The following CYTH1 variants were observed in gnomAD, a reference collection of about 807,000 sequenced individuals.
CYTH1 encodes the protein cytohesin-1.
Under a neutral mutation model 61.8 loss-of-function variants are expected in CYTH1, and 18 were observed. That is an observed-to-expected ratio of 0.29 (90% CI 0.20 to 0.43). CYTH1 has a LOEUF of 0.43. CYTH1 is among the 20% of genes least tolerant of loss of function. The pLI, the probability that CYTH1 is intolerant of heterozygous loss-of-function variation, is 1.00. For missense variants in CYTH1, 336 were observed against 510.5 expected (o/e 0.66, Z 3.29); for synonymous variants, 174 against 184.3 (o/e 0.94, Z 0.45).
intron 1 of CYTH1, among the ~76,000 whole-genome samples, chr17:78,774,396 T>C (rs2093483181): frequency 6.6e-6 from 1 of 152,196 alleles, no homozygotes; most frequent in Non-Finnish European, 1.5e-5. Context: ...AAGTCATCCA[T>C]ATCATAGAAA....
chr17:78,703,653 T>C (rs977652554), intron 3 of CYTH1, among the ~76,000 whole-genome samples: 7 of 152,194 alleles, frequency 4.6e-5, no homozygotes, highest in African/African-American at 1.7e-4. Flanking sequence ...GATTTGCCTA[T>C]TCTGGACATA....
chr17:78,707,917 G>A (rs2093085956), intron 3 of CYTH1, among the ~76,000 whole-genome samples: 1 of 152,074 alleles, frequency 6.6e-6, no homozygotes, highest in South Asian at 2.1e-4. Context: ...TTGACCTCGT[G>A]ATCCACCTGC....
intron 9 of CYTH1, among the ~76,000 whole-genome samples, chr17:78,697,325 C>CAAAAA (rs5822262): frequency 8.4e-5 from 8 of 95,300 alleles, no homozygotes; most frequent in African/African-American, 2.6e-4. Flanking sequence ...TGCTAGTGTC[C>CAAAAA]AAAAAAAAAA....
At chr17:78,766,135 A>C (rs2093447900) in intron 1 of CYTH1, among the ~76,000 whole-genome samples, 2 of 151,092 alleles carry the variant, frequency 1.3e-5, no homozygotes, top group Non-Finnish European at 2.9e-5. Context: ...AGCAGGAGAC[A>C]AAGCTTCCAA....
At chr17:78,713,971 T>A (rs1414454370) in intron 1 of CYTH1, among the ~76,000 whole-genome samples, 1 of 152,208 alleles carries the variant, frequency 6.6e-6, no homozygotes, top group Non-Finnish European at 1.5e-5. Flanking sequence ...TAGTCCTCTA[T>A]CTTCCAAGAT....
chr17:78,701,729 GA>G lies in CYTH1; in HGVS notation c.378del (p.Leu127PhefsTer38). 1 of 1,614,186 alleles carries G rather than the reference GA, an allele frequency of 6.2e-7. No individual in the cohort carries two copies. The highest frequency in any genetic ancestry group is 8.5e-7 in the Non-Finnish European group (1 of 1,180,024). ...LGERDEFNIQ[V>X]LHAFVELHEF... is the part of the protein sequence containing the mutation. Reference sequence around the variant, plus strand: ...TCATGCAGCTCCACAAATGCATGAAGAACCTGGATATTAAACTCATCTCTAT... The same window carrying G: ...TCATGCAGCTCCACAAATGCATGAAGACCTGGATATTAAACTCATCTCTAT... On this transcript the variant is annotated frameshift_variant, in exon 6 of 14. Transcript: ENST00000446868. LOFTEE classifies it high-confidence loss of function.
chr17:78,687,404 T>C lies in CYTH1; in HGVS notation c.891+5013A>G, dbSNP rs544168906. 4.6e-5 allele frequency among the ~76,000 whole-genome samples: 7 copies of C among 152,304 alleles called. No homozygotes were observed. The South Asian group carries it at 1.0e-3, about 23-fold the overall frequency. On this transcript the variant is annotated intron_variant, in intron 11 of 13. Transcript: ENST00000446868. ...TCTGCCTCAACTTTAATCCAGAACA[T>C]ATGGAGATTTGAAGTTGTCTCAAAC...
intron 1 of CYTH1, among the ~76,000 whole-genome samples, chr17:78,776,178 C>G (rs2093490214): frequency 6.6e-6 from 1 of 152,010 alleles, no homozygotes; most frequent in Non-Finnish European, 1.5e-5. Context: ...AGAAATTATG[C>G]TTAAAAAGGA....
At chr17:78,747,153 AAAAAAAAAAAAAAAAAAG>A (rs1193263130) in intron 1 of CYTH1, among the ~76,000 whole-genome samples, 1 of 147,700 alleles carries the variant, frequency 6.8e-6, no homozygotes, top group Non-Finnish European at 1.5e-5. Context: ...GCCAAAAAAA[AAAAAAAAAAAAAAAAAAG>A]AAAAAACTAC....
At chr17:78,729,190 C>T (rs2093281122) in intron 1 of CYTH1, among the ~76,000 whole-genome samples, 2 of 152,102 alleles carry the variant, frequency 1.3e-5, no homozygotes. Flanking sequence ...TCACTGCAGC[C>T]TCAAACTCCT....
intron 1 of CYTH1, among the ~76,000 whole-genome samples, chr17:78,725,363 T>A (rs1330177350): frequency 6.6e-6 from 1 of 152,220 alleles, no homozygotes; most frequent in African/African-American, 2.4e-5. Flanking sequence ...CAGCCTGGAC[T>A]ATCCACGCTG....
intron 10 of CYTH1, among the ~76,000 whole-genome samples, chr17:78,693,389 A>C (rs917998849): frequency 6.6e-6 from 1 of 152,180 alleles, no homozygotes; most frequent in South Asian, 2.1e-4. Flanking sequence ...CTGGGAGGTC[A>C]AGGTGGGTGG....
chr17:78,727,909 C>G (rs1359957206), intron 1 of CYTH1: 1 of 336,238 alleles, frequency 3.0e-6, no homozygotes, highest in African/African-American at 2.2e-5. Context: ...AGGCCAAGCT[C>G]TGCACCTTTG....
At chr17:78,741,571 G>A (rs1313972073) in intron 1 of CYTH1, among the ~76,000 whole-genome samples, 2 of 152,138 alleles carry the variant, frequency 1.3e-5, no homozygotes, top group African/African-American at 2.4e-5. Flanking sequence ...AGGACACCAA[G>A]GAGTAATAAA....
chr17:78,676,798 C>T lies in CYTH1; in HGVS notation c.1119-629G>A, dbSNP rs112552736. 1.7e-3 allele frequency: 597 copies of T among 359,660 alleles called. 3 individuals carry two copies. The highest frequency in any genetic ancestry group is 2.5e-3 in the Non-Finnish European group (451 of 182,038). 22.3% of individuals were successfully genotyped at this position (359,660 alleles called of 1,614,324 possible). On this transcript the variant is annotated intron_variant, in intron 13 of 13. Coordinates refer to ENST00000446868, the MANE Select transcript of CYTH1 (RefSeq NM_004762.6). ...TGTGCTACAGCCTCAAAGACAGCAG[C>T]GCAGGCCGCGCCGCGGGCTGGAGCA...
intron 13 of CYTH1, among the ~76,000 whole-genome samples, chr17:78,678,921 C>A (rs1406407341): frequency 6.6e-6 from 1 of 152,234 alleles, no homozygotes; most frequent in African/African-American, 2.4e-5. Context: ...CGTGACCTGG[C>A]GCCAAATCCA....
At chr17:78,731,968 T>C (rs1484456280) in intron 1 of CYTH1, among the ~76,000 whole-genome samples, 1 of 152,174 alleles carries the variant, frequency 6.6e-6, no homozygotes, top group Non-Finnish European at 1.5e-5. Flanking sequence ...GTAAACTGCA[T>C]GCAGGTTCTG....
At chr17:78,768,447 A>G (rs1307680273) in intron 1 of CYTH1, among the ~76,000 whole-genome samples, 3 of 152,308 alleles carry the variant, frequency 2.0e-5, no homozygotes, top group Non-Finnish European at 1.5e-5. Context: ...AAGTACCACA[A>G]AACTCCAGAG....
In CYTH1 at chr17:78,681,229, A is replaced by G. The variant is rs539771870; in HGVS notation, c.892-187T>C. Among the ~76,000 whole-genome samples, 6 of 152,344 alleles carry G rather than the reference A, an allele frequency of 3.9e-5. No homozygotes were observed. In the South Asian group the frequency reaches 1.2e-3, roughly 32 times the overall value. ...CCAAAAATGTCTGAGGATTGTCAAT[A>G]TAACTGCTAAGTCCTCCGCGAGTAG... On this transcript the variant is annotated intron_variant, in intron 11 of 13. Coordinates refer to ENST00000446868, the MANE Select transcript of CYTH1 (RefSeq NM_004762.6).
Sources: allele counts gnomAD v4.1 joint callset (sites outside exome capture counted in the v4.1 genomes callset), GRCh38; gene constraint gnomAD v4.1.1; transcripts MANE v1.5; gene names NCBI Gene and HGNC (gene_info 2026-07-23, HGNC 2026-07-21).